Variants in ZNF423 observed in about 807,000 individuals in gnomAD.
The protein encoded by ZNF423 is zinc finger protein 423.
Under a neutral mutation model 95.8 loss-of-function variants are expected in ZNF423, and 12 were observed. The observed-to-expected ratio is 0.13, with a 90% CI of 0.08 to 0.20. The LOEUF (loss-of-function observed/expected upper bound fraction) is 0.20, where lower values mean the gene tolerates loss of function less well. Ranked by LOEUF, ZNF423 falls within the 10% of genes least tolerant of loss-of-function variation. The pLI is 1.00. For missense variants in ZNF423, 1,316 were observed against 1,737.1 expected (o/e 0.76, Z 4.31); for synonymous variants, 749 against 711.9 (o/e 1.05, Z -0.83).
At chr16:49,528,374 C>A (rs1171787300) in intron 5 of ZNF423, among the ~76,000 whole-genome samples, 1 of 152,146 alleles carries the variant, frequency 6.6e-6, no homozygotes, top group Non-Finnish European at 1.5e-5. Flanking sequence ...AGCTGCAAGC[C>A]GTCCGGGGCC....
intron 3 of ZNF423, 141 bp from the exon 4 acceptor site, chr16:49,639,015 G>A: frequency 7.0e-7 from 1 of 1,437,370 alleles, no homozygotes; most frequent in Non-Finnish European, 9.1e-7. Context: ...GAGGGGCAGG[G>A]GCCGGAAGCA....
At chr16:49,856,379 G>T (rs977237830), upstream of ZNF423, among the ~76,000 whole-genome samples, 1 of 148,538 alleles carries the variant, frequency 6.7e-6, no homozygotes, top group Non-Finnish European at 1.5e-5. Context: ...CTCAAGGGGG[G>T]AGGAGACCGG....
intron 1 of ZNF423, among the ~76,000 whole-genome samples, chr16:49,820,421 T>C (rs538647777): frequency 6.6e-6 from 1 of 152,368 alleles, no homozygotes; most frequent in East Asian, 1.9e-4. Context: ...AGTTCTTGGA[T>C]ACCTAGCAAA....
In ZNF423 at chr16:49,638,322, T is replaced by A; in HGVS notation, c.854A>T (p.Glu285Val). Residue 285 changes from glutamate to valine, a missense_variant, in exon 4 of 8, where the codon GAG (glutamate) becomes GTG (valine). Transcript: ENST00000563137. This position sits in a 1 kb window ranked among gnomAD's most constrained non-coding sequence, Gnocchi z 5.6. Reference protein sequence around the residue: ...YCEDTFSQTEELEKHVLTRHP... With the variant: ...YCEDTFSQTEVLEKHVLTRHP... ...GCGGGTGAGCACGTGCTTCTCCAGCTCCTCCGTCTGGCTGAAGGTGTCCTC... is the reference window on the plus strand; with the variant it reads ...GCGGGTGAGCACGTGCTTCTCCAGCACCTCCGTCTGGCTGAAGGTGTCCTC... 1 of 1,614,032 alleles carries A rather than the reference T, an allele frequency of 6.2e-7. No homozygotes were observed. Among genetic ancestry groups the A allele is most frequent in the Non-Finnish European group, 8.5e-7 (1 of 1,180,040 alleles).
intron 5 of ZNF423, among the ~76,000 whole-genome samples, chr16:49,614,998 A>T (rs1017610762): frequency 6.6e-6 from 1 of 152,136 alleles, no homozygotes; most frequent in African/African-American, 2.4e-5. Context: ...AGGTGTGGTG[A>T]CGCTTGCCTG....
chr16:49,793,074 C>T (rs1428611382), intron 1 of ZNF423, among the ~76,000 whole-genome samples: 3 of 152,078 alleles, frequency 2.0e-5, no homozygotes, highest in East Asian at 1.9e-4. Flanking sequence ...GGTTTTTATA[C>T]ATTCTTGATG....
chr16:49,625,518 G>A (rs1972229736), intron 5 of ZNF423, among the ~76,000 whole-genome samples: 1 of 152,114 alleles, frequency 6.6e-6, no homozygotes, highest in Non-Finnish European at 1.5e-5. Flanking sequence ...CCTTCCCTTA[G>A]AACCTCCATG....
intron 3 of ZNF423, among the ~76,000 whole-genome samples, chr16:49,706,933 C>A (rs2032370958): frequency 6.6e-6 from 1 of 152,180 alleles, no homozygotes. Context: ...TAAACAAACC[C>A]CCAGGACAAC....
At chr16:49,791,609 G>A (rs545433676) in intron 1 of ZNF423, among the ~76,000 whole-genome samples, 67 of 152,244 alleles carry the variant, frequency 4.4e-4, no homozygotes, top group African/African-American at 1.4e-3. Flanking sequence ...TAAGAATGAC[G>A]TAAAGGTATA....
intron 5 of ZNF423, among the ~76,000 whole-genome samples, chr16:49,555,320 T>C (rs2151759608): frequency 6.6e-6 from 1 of 152,332 alleles, no homozygotes; most frequent in Non-Finnish European, 1.5e-5. Flanking sequence ...GTTCAGGCTG[T>C]GCAGGGTGGC....
chr16:49,749,535 G>A (rs575106054), intron 2 of ZNF423, among the ~76,000 whole-genome samples: 14 of 152,372 alleles, frequency 9.2e-5, no homozygotes, highest in Admixed American at 3.9e-4. Flanking sequence ...AGAGCTTGGG[G>A]CTGTGACCAC....
chr16:49,525,498 C>G lies in ZNF423; in HGVS notation c.3602-4G>C. 2 of 1,613,930 alleles carry G rather than the reference C, an allele frequency of 1.2e-6. No individual in the cohort carries two copies. Among genetic ancestry groups the G allele is most frequent in the Non-Finnish European group, 1.7e-6 (2 of 1,179,940 alleles). On this transcript the variant is annotated splice_polypyrimidine_tract_variant and splice_region_variant and intron_variant, in intron 5 of 7. Transcript: ENST00000563137. ...CACTCGTGGTTGATGCCTTCCTCTG[C>G]AAGGAAAACCCGTGACCAGTCAGTG...
chr16:49,685,540 G>A (rs534031392), intron 3 of ZNF423, among the ~76,000 whole-genome samples: 14 of 152,268 alleles, frequency 9.2e-5, no homozygotes, highest in African/African-American at 2.6e-4. Context: ...CTCCTTCAGC[G>A]CTGTGTATTT....
At chr16:49,523,152 C>T (rs1027203994) in intron 7 of ZNF423, among the ~76,000 whole-genome samples, 1 of 152,154 alleles carries the variant, frequency 6.6e-6, no homozygotes, top group Non-Finnish European at 1.5e-5. Flanking sequence ...GTGACTGCCT[C>T]TAAGCTGGGG....
intron 5 of ZNF423, among the ~76,000 whole-genome samples, chr16:49,528,085 G>C (rs924604681): frequency 2.0e-5 from 3 of 152,198 alleles, no homozygotes; most frequent in Non-Finnish European, 4.4e-5. Context: ...TGCCCAGCTA[G>C]GGGCTCTGGG....
chr16:49,627,116 A>C (rs1434874693), intron 4 of ZNF423, among the ~76,000 whole-genome samples: 1 of 134,932 alleles, frequency 7.4e-6, no homozygotes, highest in East Asian at 2.8e-4. Flanking sequence ...TCCTCCATCT[A>C]CCCATCCATT....
intron 5 of ZNF423, among the ~76,000 whole-genome samples, chr16:49,564,908 A>G (rs1327829647): frequency 6.6e-6 from 1 of 152,152 alleles, no homozygotes; most frequent in African/African-American, 2.4e-5. Context: ...CCTCGTCCTC[A>G]TCTTCTAAAT....
In ZNF423 at chr16:49,789,532, C is replaced by G; in HGVS notation, c.55G>C (p.Ala19Pro). The change falls in exon 2 of 8, where the codon GCC becomes CCC. Residue 19 changes from alanine (A) to proline (P), a missense_variant. By Grantham distance (27) the Ala-to-Pro change is conservative. Around this residue, in one of 6 missense-constraint regions of ZNF423, gnomAD observed 155 missense variants for 170.8 expected, o/e 0.91. Transcript: ENST00000563137. ...PRSVKVEEGE[A>P]SDFSLAWDSS... ...TCCCAGGCCAGCGAGAAGTCTGAGG[C>G]CTCCCCCTCTTCAACTGAAAGAGAG... 1.9e-6 allele frequency: 3 copies of G among 1,612,120 alleles called. No individual in the cohort carries two copies. Among genetic ancestry groups the G allele is most frequent in the Non-Finnish European group, 2.5e-6 (3 of 1,179,478 alleles).
At chr16:49,584,442 C>T (rs902903815) in intron 5 of ZNF423, among the ~76,000 whole-genome samples, 1 of 152,184 alleles carries the variant, frequency 6.6e-6, no homozygotes, top group Non-Finnish European at 1.5e-5. Flanking sequence ...ACTTTTCCAA[C>T]AGCCCATACC....
Sources: allele counts gnomAD v4.1 joint callset (sites outside exome capture counted in the v4.1 genomes callset), GRCh38; gene constraint gnomAD v4.1.1; regional missense constraint gnomAD v4.1.1; non-coding constraint Gnocchi (gnomAD v3.1); transcripts MANE v1.5; gene names NCBI Gene and HGNC (gene_info 2026-07-23, HGNC 2026-07-21).